PDZRN3: variants seen among roughly 807,000 people sequenced by gnomAD.
PDZRN3 encodes PDZ domain containing ring finger 3.
In PDZRN3, 38 loss-of-function variants were observed where a neutral mutation model predicts 85.7. That is an observed-to-expected ratio of 0.44 (90% CI 0.34 to 0.58). PDZRN3 has a LOEUF of 0.58. Ranked by LOEUF, PDZRN3 falls within the 20% of genes least tolerant of loss-of-function variation. The probability of loss-of-function intolerance (pLI) is 0.01; values close to 1 mark genes in which losing one functional copy is unlikely to be tolerated. For missense variants in PDZRN3, 1,629 were observed against 1,506.4 expected, an observed-to-expected ratio of 1.08 and a Z score of -1.35; for synonymous variants, 759 against 638.0, an observed-to-expected ratio of 1.19 and a Z score of -2.86.
In PDZRN3 at chr3:73,618,583, G is replaced by A. The variant is rs1702802516; in HGVS notation, c.723+5520C>T. ...TGTATGGCACCCAGTGGAACTCAAT[G>A]AATATTATTTTCTTTTCTTTTAAGC... On this transcript the variant is annotated intron_variant, in intron 1 of 9. Transcript: ENST00000263666. Among the ~76,000 whole-genome samples, 3 of 149,786 alleles carry A rather than the reference G, an allele frequency of 2.0e-5. No individual in the cohort carries two copies. In the South Asian group the frequency reaches 6.3e-4, roughly 32 times the overall value.
chr3:73,402,960 T>TTTTTTTTTTTTTTTG (rs1429244382), intron 4 of PDZRN3, among the ~76,000 whole-genome samples: 38 of 99,010 alleles, frequency 3.8e-4, no homozygotes, highest in African/African-American at 1.3e-3. Context: ...TTTTTTTTTT[T>TTTTTTTTTTTTTTTG]TGAGACGGAG....
At chr3:73,613,155 T>C (rs1396085823) in intron 1 of PDZRN3, among the ~76,000 whole-genome samples, 4 of 152,138 alleles carry the variant, frequency 2.6e-5, no homozygotes, top group Non-Finnish European at 5.9e-5. Context: ...GAGTGGCACA[T>C]TTTAGGGGAC....
At chr3:73,408,619 G>GGACTT (rs1392815669) in intron 3 of PDZRN3, among the ~76,000 whole-genome samples, 2 of 151,862 alleles carry the variant, frequency 1.3e-5, no homozygotes, top group Admixed American at 1.3e-4. Flanking sequence ...AAATTTTACA[G>GGACTT]GACTTGACCC....
chr3:73,462,925 C>T (rs1703138646), intron 3 of PDZRN3, among the ~76,000 whole-genome samples: 2 of 152,180 alleles, frequency 1.3e-5, no homozygotes. Flanking sequence ...GATTCACAGC[C>T]AGGTCTGTCT....
chr3:73,624,526 C>G lies in PDZRN3; in HGVS notation c.300G>C (p.Glu100Asp). 1 of 1,474,714 alleles carries G rather than the reference C, an allele frequency of 6.8e-7. No individual in the cohort carries two copies. The highest frequency in any genetic ancestry group is 8.9e-7 in the Non-Finnish European group (1 of 1,119,006). 91.4% of individuals were successfully genotyped at this position (1,474,714 alleles called of 1,614,324 possible). The change falls in exon 1 of 10, where the codon GAG becomes GAC. Residue 100 changes from glutamate to aspartate, a missense_variant. Glu to Asp is a conservative substitution (Grantham distance 45). Transcript: ENST00000263666. ...GCGCGAAGTCGCAGCGCTCGAGGTG[C>G]TCCGGCAGCTGCTGCAGCTTGACCA... is the stretch of plus-strand genomic sequence containing the variant. ...GRVVKLQQLP[E>D]HLERCDFAPA...
intron 3 of PDZRN3, among the ~76,000 whole-genome samples, chr3:73,444,643 G>A (rs924624260): frequency 1.3e-5 from 2 of 152,208 alleles, no homozygotes; most frequent in Admixed American, 6.5e-5. Flanking sequence ...TGGGAAACAA[G>A]ACTAAACCAT....
chr3:73,456,243 T>C (rs570532030), intron 3 of PDZRN3, among the ~76,000 whole-genome samples: 23 of 152,184 alleles, frequency 1.5e-4, no homozygotes, highest in Admixed American at 8.5e-4. Context: ...CTTGTTATCA[T>C]GGTGAAACCC....
chr3:73,469,412 A>G (rs1225008410), intron 3 of PDZRN3, among the ~76,000 whole-genome samples: 1 of 152,188 alleles, frequency 6.6e-6, no homozygotes, highest in African/African-American at 2.4e-5. Flanking sequence ...GAACAACTCT[A>G]GCCACCAGTG....
At chr3:73,575,406 C>T (rs1017803148) in intron 3 of PDZRN3, among the ~76,000 whole-genome samples, 22 of 152,120 alleles carry the variant, frequency 1.4e-4, no homozygotes, top group African/African-American at 5.1e-4. Context: ...CAGTGAAGCA[C>T]CACACAAGAA....
chr3:73,400,511 G>A (rs1701727186), intron 5 of PDZRN3, among the ~76,000 whole-genome samples: 2 of 152,158 alleles, frequency 1.3e-5, no homozygotes, highest in African/African-American at 2.4e-5. Context: ...TTGTTAGGGC[G>A]GGCTAGCATT....
chr3:73,416,441 G>A (rs1182222826), intron 3 of PDZRN3, among the ~76,000 whole-genome samples: 2 of 151,568 alleles, frequency 1.3e-5, no homozygotes, highest in Admixed American at 6.6e-5. Context: ...ACGCCATACC[G>A]ACATAGTCTT....
intron 3 of PDZRN3, among the ~76,000 whole-genome samples, chr3:73,510,598 G>C (rs952954707): frequency 1.3e-5 from 2 of 152,164 alleles, no homozygotes; most frequent in African/African-American, 2.4e-5. Flanking sequence ...TCCTGCAGTG[G>C]GGAGGAGGCT....
In PDZRN3 at chr3:73,424,367, CAAA is replaced by C. The variant is rs66466551; in HGVS notation, c.919-19975_919-19973del. ...TAACATGGTGAAACCCCGTCTCTAC[CAAA>C]AAAAAAAAAAAAAAAAAAAAAATAG... On this transcript the variant is annotated intron_variant, in intron 3 of 9. Transcript: ENST00000263666. 6.7e-3 allele frequency among the ~76,000 whole-genome samples: 365 copies of C among 54,866 alleles called. 5 individuals carry two copies. Among genetic ancestry groups the C allele is most frequent in the African/African-American group, 0.026 (348 of 13,442 alleles). The allele number at this position is 54,866 out of a possible 152,430, so 36.0% of individuals were successfully genotyped here. A position where few individuals can be genotyped will look rare whatever the true frequency, so the allele number is the denominator to read the frequency against.
At chr3:73,587,472 A>G (rs1004012814) in intron 3 of PDZRN3, among the ~76,000 whole-genome samples, 1 of 152,254 alleles carries the variant, frequency 6.6e-6, no homozygotes, top group Non-Finnish European at 1.5e-5. Flanking sequence ...ACAAATGTAC[A>G]TACAGTAAAT....
At chr3:73,449,006 G>A (rs761193338) in intron 3 of PDZRN3, among the ~76,000 whole-genome samples, 4 of 152,188 alleles carry the variant, frequency 2.6e-5, no homozygotes, top group Non-Finnish European at 5.9e-5. Flanking sequence ...ATGGGACTTT[G>A]AACCTCTGAT....
At chr3:73,536,226 T>C (rs1316575427) in intron 3 of PDZRN3, among the ~76,000 whole-genome samples, 2 of 152,262 alleles carry the variant, frequency 1.3e-5, no homozygotes, top group African/African-American at 4.8e-5. Context: ...CCCAGAGATG[T>C]TGAAAGCTTC....
intron 3 of PDZRN3, chr3:73,433,771 A>G: frequency 6.5e-7 from 1 of 1,533,686 alleles, no homozygotes; most frequent in Non-Finnish European, 8.7e-7. Flanking sequence ...CAGCTCCCTT[A>G]CAGTGCAGGC....
chr3:73,510,340 C>T (rs1704141076), intron 3 of PDZRN3, among the ~76,000 whole-genome samples: 1 of 152,168 alleles, frequency 6.6e-6, no homozygotes, highest in Admixed American at 6.5e-5. Flanking sequence ...CTGGTGGCTC[C>T]ATTTCTAGAT....
At chr3:73,518,603 T>C (rs758479414) in intron 3 of PDZRN3, among the ~76,000 whole-genome samples, 2 of 152,156 alleles carry the variant, frequency 1.3e-5, no homozygotes, top group African/African-American at 4.8e-5. Context: ...TATAACATAA[T>C]ACCATAGTCT....
Sources: gnomAD v4.1 joint callset for allele counts (sites outside exome capture counted in the v4.1 genomes callset) on GRCh38, gnomAD v4.1.1 for gene constraint, MANE v1.5 for transcripts, NCBI Gene and HGNC (gene_info 2026-07-23, HGNC 2026-07-21) for gene names.